Variants in ODAD1 observed in about 807,000 individuals in gnomAD.
ODAD1 encodes the protein outer dynein arm-docking complex subunit 1.
In ODAD1, 49 loss-of-function variants were observed where a neutral mutation model predicts 67.2. That is an observed-to-expected ratio of 0.73 (90% CI 0.58 to 0.92). The LOEUF (loss-of-function observed/expected upper bound fraction) is 0.92, where lower values mean the gene tolerates loss of function less well. Ranked by LOEUF, ODAD1 falls within the 40% of genes least tolerant of loss-of-function variation. The pLI, the probability that ODAD1 is intolerant of heterozygous loss-of-function variation, is 0.00. For missense variants in ODAD1, 897 were observed against 953.7 expected (o/e 0.94, Z 0.78); for synonymous variants, 345 against 393.7 (o/e 0.88, Z 1.46).
rs563321170 is a variant in ODAD1 at position 48,297,224 on chromosome 19, C to T, written c.1876G>A (p.Gly626Ser). The stretch of plus-strand genomic sequence containing the variant: ...CCCCCACTCGAGGCACTGGTGGAGC[C>T]GAAGGTCACGTGGCCAGTGTTGGGG... ...GDPNTGHVTF[G>S]STSASSGGHV... The change falls in exon 16 of 16, where the codon GGC becomes AGC. Residue 626 changes from glycine to serine, a missense_variant. Coordinates refer to ENST00000674294, the MANE Select transcript of ODAD1 (RefSeq NM_001364171.2). 5.7e-5 allele frequency: 92 copies of T among 1,613,942 alleles called. No individual in the cohort carries two copies. The highest frequency in any genetic ancestry group is 1.8e-4 in the South Asian group (16 of 91,080).
At chr19:48,317,290 CTTGGTGTGTATGA>C (rs1434437116) in intron 5 of ODAD1, among the ~76,000 whole-genome samples, 1 of 151,930 alleles carries the variant, frequency 6.6e-6, no homozygotes, top group Non-Finnish European at 1.5e-5. Context: ...CTGTATGCAT[CTTGGTGTGTATGA>C]ACTACACCTC....
chr19:48,321,766 G>T lies in ODAD1; in HGVS notation c.-152C>A. The T allele has an allele frequency of 2.5e-6, 1 of 398,484 alleles. No homozygotes were observed. The highest frequency in any genetic ancestry group is 4.4e-6 in the Non-Finnish European group (1 of 225,966). The allele number at this position is 398,484 out of a possible 1,614,324, so 24.7% of individuals were successfully genotyped here. A position where few individuals can be genotyped will look rare whatever the true frequency, so the allele number is the denominator to read the frequency against. On this transcript the variant is annotated 5_prime_UTR_variant, in exon 1 of 16. Transcript: ENST00000674294. Reference sequence around the variant, plus strand: ...CCAGGCCGAGGTCCTACAAGACGGAGCCCGAGAGGTGCCGGTCTTAAGCTG... The same window carrying T: ...CCAGGCCGAGGTCCTACAAGACGGATCCCGAGAGGTGCCGGTCTTAAGCTG...
At chr19:48,297,742 C>A (rs1268920135) in intron 14 of ODAD1, 74 bp from the exon 15 acceptor site, 4 of 1,253,300 alleles carry the variant, frequency 3.2e-6, no homozygotes, top group Non-Finnish European at 3.2e-6. Flanking sequence ...TCCTGCTAAA[C>A]CCCGGGAGCC....
chr19:48,313,569 T>C (rs1220438346), intron 5 of ODAD1, among the ~76,000 whole-genome samples: 1 of 151,742 alleles, frequency 6.6e-6, no homozygotes, highest in Non-Finnish European at 1.5e-5. Context: ...CCTAATCCAC[T>C]ACGACGAGGT....
intron 8 of ODAD1, 49 bp from the exon 9 acceptor site, chr19:48,304,189 G>A (rs772744749): frequency 6.2e-5 from 96 of 1,540,208 alleles, no homozygotes; most frequent in South Asian, 5.9e-4. Context: ...GACTGGGGTC[G>A]GCCTGGGGTC....
At chr19:48,306,132 T>A (rs1968600955) in intron 8 of ODAD1, 124 bp downstream of exon 8, 2 of 1,402,258 alleles carry the variant, frequency 1.4e-6, no homozygotes, top group South Asian at 1.4e-5. Flanking sequence ...AAAGGGGATA[T>A]TATGGGAGAA....
chr19:48,300,994 G>A (rs10405011), intron 12 of ODAD1: 39,399 of 152,112 alleles, frequency 0.26, 6,008 homozygotes, highest in African/African-American at 0.43. Context: ...GCGTGGTGGC[G>A]CACACCTGTA....
Position 48,297,398 on chromosome 19 carries a change from C to G in ODAD1, c.1702G>C (p.Val568Leu). The G allele has an allele frequency of 6.2e-7, 1 of 1,606,524 alleles. No homozygotes were observed. The highest frequency in any genetic ancestry group is 8.5e-7 in the Non-Finnish European group (1 of 1,179,906). ...TGGGGGTGCCTGGTGGGCACCAGGA[C>G]GGTACTGGAGCCGGCCCTCTGGGTG... is the stretch of plus-strand genomic sequence containing the variant. ...ASTQRAGSST[V>L]LVPTRHPHAI... The change falls in exon 16 of 16, where the codon GTC becomes CTC. Residue 568 changes from valine (V) to leucine (L), a missense_variant. Coordinates refer to ENST00000674294, the MANE Select transcript of ODAD1 (RefSeq NM_001364171.2).
At chr19:48,308,620 C>T (rs982469202) in intron 7 of ODAD1, among the ~76,000 whole-genome samples, 1 of 152,252 alleles carries the variant, frequency 6.6e-6, no homozygotes, top group African/African-American at 2.4e-5. Flanking sequence ...GCAGTAGCTG[C>T]TGGCTGTGGC....
chr19:48,318,744 T>G lies in ODAD1; in HGVS notation c.139A>C (p.Lys47Gln), dbSNP rs1327772650. ...VMEGERRAYS[K>Q]EVHQRINKQL... Reference sequence around the variant, plus strand: ...TTGTTGATGCGCTGGTGGACTTCCTTGCTGTAGGCCCGCCTCTCCCCTTCC... The same window carrying G: ...TTGTTGATGCGCTGGTGGACTTCCTGGCTGTAGGCCCGCCTCTCCCCTTCC... Residue 47 changes from lysine (K) to glutamine (Q), a missense_variant, in exon 4 of 16, where the codon AAG becomes CAG. Transcript: ENST00000674294. 3 of 1,551,108 alleles carry G rather than the reference T, an allele frequency of 1.9e-6. No homozygotes were observed. The highest frequency in any genetic ancestry group is 2.6e-6 in the Non-Finnish European group (3 of 1,146,720).
At chr19:48,306,773 G>A (rs1194458399) in intron 7 of ODAD1, among the ~76,000 whole-genome samples, 1 of 152,214 alleles carries the variant, frequency 6.6e-6, no homozygotes, top group Non-Finnish European at 1.5e-5. Flanking sequence ...AGGGCCAGGT[G>A]CGGTGGCTCA....
chr19:48,321,512 G>A, intron 1 of ODAD1, 166 bp downstream of exon 1: 1 of 286,808 alleles, frequency 3.5e-6, no homozygotes. Context: ...GAGCGGAGGG[G>A]CTTCCCCGTA....
chr19:48,304,929 G>C (rs912708981), intron 8 of ODAD1, among the ~76,000 whole-genome samples: 1 of 152,322 alleles, frequency 6.6e-6, no homozygotes, highest in South Asian at 2.1e-4. Flanking sequence ...TTCAGATCTA[G>C]ACAGAAGTGG....
intron 1 of ODAD1, chr19:48,321,407 GGA>G (rs1387866024): frequency 2.4e-5 from 4 of 166,898 alleles, no homozygotes; most frequent in Admixed American, 6.4e-5. Flanking sequence ...AGACCTGTGA[GGA>G]GAGTGAGTGG....
At position 48,311,890 on chromosome 19, in the gene ODAD1, CAT is replaced by C. The variant is rs1968773243; in HGVS notation, c.483+102_483+103del. 5.5e-6 allele frequency: 6 copies of C among 1,097,322 alleles called. No individual in the cohort carries two copies. In the South Asian group the frequency reaches 7.6e-5, roughly 14 times the overall value. 68.0% of individuals were successfully genotyped at this position (1,097,322 alleles called of 1,614,324 possible). On this transcript the variant is annotated intron_variant, in intron 6 of 15. Coordinates refer to ENST00000674294, the MANE Select transcript of ODAD1 (RefSeq NM_001364171.2). ...CCCTCCAGAATCCTGTGTCCTGACACATATGTGCACACACTGCCCAGCATTTC... is the reference window on the plus strand; with the variant it reads ...CCCTCCAGAATCCTGTGTCCTGACACATGTGCACACACTGCCCAGCATTTC...
At chr19:48,300,077 C>T (rs1015121403) in intron 12 of ODAD1, among the ~76,000 whole-genome samples, 4 of 151,618 alleles carry the variant, frequency 2.6e-5, no homozygotes, top group South Asian at 4.2e-4. Context: ...GATACTGAGG[C>T]GGGCAGATCA....
At position 48,318,673 on chromosome 19, in the gene ODAD1, C is replaced by G. The variant is rs1600875971; in HGVS notation, c.170+40G>C. 2.0e-6 allele frequency: 3 copies of G among 1,529,444 alleles called. No homozygotes were observed. The East Asian group carries it at 7.4e-5, about 37-fold the overall frequency. The allele number at this position is 1,529,444 out of a possible 1,614,324, so 94.7% of individuals were successfully genotyped here. ...GGAGTCCAGTCTTCAGCCCCTCTGA[C>G]CCCCTCCTCCCCAGCTCAGGGCCCA... On this transcript the variant is annotated intron_variant, in intron 4 of 15. Transcript: ENST00000674294.
chr19:48,297,812 C>T, intron 14 of ODAD1, 144 bp from the exon 15 acceptor site: 1 of 880,562 alleles, frequency 1.1e-6, no homozygotes. Context: ...GGGGCCCCAT[C>T]CTCCCACACA....
Position 48,296,990 on chromosome 19 carries a change from C to T in ODAD1, c.2110G>A (p.Asp704Asn). The change falls in exon 16 of 16, where the codon GAC becomes AAC. Residue 704 changes from aspartate to asparagine, a missense_variant. Coordinates refer to ENST00000674294, the MANE Select transcript of ODAD1 (RefSeq NM_001364171.2). ...STGPGSSTSK[D>N]SRG ...TGCCCCTCGTGTTAGCCCCGGGAGTCTTTGCTGGTGGAGGAGCCCGGGCCA... is the reference window on the plus strand; with the variant it reads ...TGCCCCTCGTGTTAGCCCCGGGAGTTTTTGCTGGTGGAGGAGCCCGGGCCA... 6.2e-7 allele frequency: 1 copy of T among 1,604,042 alleles called. No homozygotes were observed. The highest frequency in any genetic ancestry group is 8.5e-7 in the Non-Finnish European group (1 of 1,176,326).
Sources: allele counts gnomAD v4.1 joint callset (sites outside exome capture counted in the v4.1 genomes callset), GRCh38; gene constraint gnomAD v4.1.1; transcripts MANE v1.5; gene names NCBI Gene and HGNC (gene_info 2026-07-23, HGNC 2026-07-21).